Variants in NPTXR observed in about 807,000 individuals in gnomAD.
The protein encoded by NPTXR is neuronal pentraxin receptor.
In NPTXR, 12 loss-of-function variants were observed where a neutral mutation model predicts 32.2. The ratio of observed to expected loss-of-function variants is 0.37; its 90% CI spans 0.24 to 0.60. NPTXR has a LOEUF of 0.60. NPTXR is among the 20% of genes least tolerant of loss of function. The probability of loss-of-function intolerance (pLI) is 0.66; values close to 1 mark genes in which losing one functional copy is unlikely to be tolerated. For missense variants in NPTXR, 612 were observed against 682.9 expected, an observed-to-expected ratio of 0.90 and a Z score of 1.16; for synonymous variants, 323 against 315.8, an observed-to-expected ratio of 1.02 and a Z score of -0.24.
chr22:38,837,847 T>TTTATG (rs2093126339), intron 1 of NPTXR, among the ~76,000 whole-genome samples: 1 of 149,606 alleles, frequency 6.7e-6, no homozygotes, highest in South Asian at 2.1e-4. Flanking sequence ...ATTTTTATTT[T>TTTATG]TTATTTTATT....
chr22:38,823,887 A>G (rs2093102221), intron 3 of NPTXR, among the ~76,000 whole-genome samples: 1 of 152,162 alleles, frequency 6.6e-6, no homozygotes, highest in Admixed American at 6.5e-5. Flanking sequence ...GCCACTGCTG[A>G]TGGGTTAGAG....
intron 1 of NPTXR, among the ~76,000 whole-genome samples, chr22:38,837,048 T>A (rs1038305037): frequency 2.0e-5 from 3 of 152,198 alleles, no homozygotes; most frequent in African/African-American, 7.2e-5. Context: ...TCTCCTGACC[T>A]CGTGATACGC....
Position 38,823,229 on chromosome 22 carries a change from C to A in NPTXR, c.1132G>T (p.Gly378Cys). 2 of 1,613,354 alleles carry A rather than the reference C, an allele frequency of 1.2e-6. No individual in the cohort carries two copies. The highest frequency in any genetic ancestry group is 1.7e-6 in the Non-Finnish European group (2 of 1,180,032). ...CAGGCGATGCAGATGTGGTGCCAGC[C>A]ATTGTCCTTCAGGCTCAGGGGCAGC... is the stretch of plus-strand genomic sequence containing the variant. The change falls in exon 4 of 5, where the codon GGC becomes TGC. Residue 378 changes from glycine to cysteine, a missense_variant. By Grantham distance (159) the Gly-to-Cys change is radical. Coordinates refer to ENST00000333039, the MANE Select transcript of NPTXR (RefSeq NM_014293.4).
intron 1 of NPTXR, among the ~76,000 whole-genome samples, chr22:38,835,180 C>T (rs2093122115): frequency 1.3e-5 from 2 of 152,198 alleles, no homozygotes; most frequent in South Asian, 4.1e-4. Context: ...AAATATGGCC[C>T]CATGGTTCCG....
In NPTXR at chr22:38,843,278, TC is replaced by T; in HGVS notation, c.580del (p.Glu194ArgfsTer22). The T allele has an allele frequency of 7.0e-7, 1 of 1,434,902 alleles. No individual in the cohort carries two copies. The highest frequency in any genetic ancestry group is 9.1e-7 in the Non-Finnish European group (1 of 1,100,882). The allele number at this position is 1,434,902 out of a possible 1,614,324, so 88.9% of individuals were successfully genotyped here. A position where few individuals can be genotyped will look rare whatever the true frequency, so the allele number is the denominator to read the frequency against. On this transcript the variant is annotated frameshift_variant, in exon 1 of 5. Coordinates refer to ENST00000333039, the MANE Select transcript of NPTXR (RefSeq NM_014293.4). LOFTEE classifies it high-confidence loss of function. This position sits in a 1 kb window ranked among gnomAD's most constrained non-coding sequence, Gnocchi z 5.3. ...GTCCCGCAGGGCGCGCACGGCGTCC[TC>T]CAGCTCCAGAATGAGCGCAGGCGAG...
chr22:38,829,976 G>A (rs947793979), intron 1 of NPTXR, among the ~76,000 whole-genome samples: 4 of 152,162 alleles, frequency 2.6e-5, no homozygotes, highest in Admixed American at 2.6e-4. Context: ...TGAGGGCCGC[G>A]TGTTCCTTCT....
chr22:38,825,065 G>C (rs2093104308), intron 3 of NPTXR, among the ~76,000 whole-genome samples: 1 of 152,236 alleles, frequency 6.6e-6, no homozygotes, highest in African/African-American at 2.4e-5. Flanking sequence ...AATGTGGCAG[G>C]TTGGGGAGGA....
At chr22:38,823,013 T>C in intron 4 of NPTXR, 70 bp downstream of exon 4, 1 of 1,571,476 alleles carries the variant, frequency 6.4e-7, no homozygotes, top group South Asian at 1.1e-5. Context: ...AGGTCTCTGA[T>C]CTCTCTGGCC....
At position 38,843,307 on chromosome 22, in the gene NPTXR, C is replaced by A; in HGVS notation, c.552G>T (p.Trp184Cys). The change falls in exon 1 of 5, where the codon TGG becomes TGT. Residue 184 changes from tryptophan to cysteine, a missense_variant. Trp to Cys is a radical substitution (Grantham distance 215). Transcript: ENST00000333039. The surrounding 1 kb of genome is among the most constrained non-coding windows in gnomAD (Gnocchi z 5.3). ...GCTCCAGAATGAGCGCAGGCGAGTCCCAGGGCCCGTCGGCCATGGTGTCGC... is the reference window on the plus strand; with the variant it reads ...GCTCCAGAATGAGCGCAGGCGAGTCACAGGGCCCGTCGGCCATGGTGTCGC... 7.0e-7 allele frequency: 1 copy of A among 1,431,214 alleles called. No homozygotes were observed. The highest frequency in any genetic ancestry group is 1.4e-5 in the South Asian group (1 of 71,634). 88.7% of individuals were successfully genotyped at this position (1,431,214 alleles called of 1,614,324 possible). A position where few individuals can be genotyped will look rare whatever the true frequency, so the allele number is the denominator to read the frequency against.
intron 3 of NPTXR, among the ~76,000 whole-genome samples, chr22:38,824,913 C>T (rs910743398): frequency 2.0e-4 from 31 of 152,198 alleles, no homozygotes; most frequent in African/African-American, 7.2e-4. Context: ...TGAAATGCAC[C>T]TTCTGCTAAG....
At chr22:38,838,026 T>C (rs2093126645) in intron 1 of NPTXR, among the ~76,000 whole-genome samples, 1 of 152,008 alleles carries the variant, frequency 6.6e-6, no homozygotes. Flanking sequence ...TGGCTAATTT[T>C]TGTATTTTTA....
chr22:38,840,823 G>C (rs1380795171), intron 1 of NPTXR, among the ~76,000 whole-genome samples: 1 of 152,086 alleles, frequency 6.6e-6, no homozygotes, highest in South Asian at 2.1e-4. Flanking sequence ...CCTTAAAGGA[G>C]GAGGACCCTG....
chr22:38,828,543 C>G (rs1190473558), intron 1 of NPTXR, 31 bp from the exon 2 acceptor site: 2 of 1,523,596 alleles, frequency 1.3e-6, no homozygotes, highest in African/African-American at 2.7e-5. Flanking sequence ...CAGAAATCAA[C>G]TGAGGGGAGG....
chr22:38,830,106 G>A (rs2093113828), intron 1 of NPTXR, among the ~76,000 whole-genome samples: 1 of 152,228 alleles, frequency 6.6e-6, no homozygotes, highest in South Asian at 2.1e-4. Context: ...CTCAGTGCCC[G>A]AGACTTGGGA....
chr22:38,835,930 C>T (rs1358025662), intron 1 of NPTXR, among the ~76,000 whole-genome samples: 1 of 152,116 alleles, frequency 6.6e-6, no homozygotes, highest in Non-Finnish European at 1.5e-5. Flanking sequence ...GGGGAGACGC[C>T]CCCCCGCCGC....
In NPTXR at chr22:38,822,809, C is replaced by A. The variant is rs757005174; in HGVS notation, c.1303G>T (p.Ala435Ser). ...ATGTCACCGACAAAGGCCTGGGTGGCATCAAACCGGCCACCCAGGGTATCC... is the reference window on the plus strand; with the variant it reads ...ATGTCACCGACAAAGGCCTGGGTGGAATCAAACCGGCCACCCAGGGTATCC... The change falls in exon 5 of 5, where the codon GCC (alanine) becomes TCC (serine). Residue 435 changes from alanine (A) to serine (S), a missense_variant. Ala to Ser is a moderately conservative substitution (Grantham distance 99). Transcript: ENST00000333039. The A allele has an allele frequency of 5.9e-5, 96 of 1,613,916 alleles. 1 individual carries two copies. Among genetic ancestry groups the A allele is most frequent in the Admixed American group, 1.0e-4 (6 of 59,992 alleles).
Position 38,826,636 on chromosome 22 carries a change from G to A in NPTXR, c.962C>T (p.Ala321Val), listed in dbSNP as rs760645476. The change falls in exon 3 of 5, where the codon GCC (alanine) becomes GTC (valine). Residue 321 changes from alanine (A) to valine (V), a missense_variant. Physicochemically the swap from Ala to Val is moderately conservative, Grantham distance 64 (BLOSUM62 0). Coordinates refer to ENST00000333039, the MANE Select transcript of NPTXR (RefSeq NM_014293.4). ...GGACCTGGACCGCAGCCACATGCAG[G>A]CGGTGAATGCGTAGAGCTCGGGCAG... 3 of 1,614,288 alleles carry A rather than the reference G, an allele frequency of 1.9e-6. No homozygotes were observed. Among genetic ancestry groups the A allele is most frequent in the Non-Finnish European group, 2.5e-6 (3 of 1,180,048 alleles).
At chr22:38,823,729 G>A (rs113030828) in intron 3 of NPTXR, among the ~76,000 whole-genome samples, 71 of 152,288 alleles carry the variant, frequency 4.7e-4, no homozygotes, top group African/African-American at 1.5e-3. Context: ...TCCTCCCTGG[G>A]CCTCAGTTTC....
intron 3 of NPTXR, among the ~76,000 whole-genome samples, chr22:38,826,090 G>A (rs574977608): frequency 4.6e-5 from 7 of 152,122 alleles, no homozygotes; most frequent in East Asian, 3.9e-4. Context: ...TGATCCGCCC[G>A]CCTCGGCCTC....
Sources: gnomAD v4.1 joint callset for allele counts (sites outside exome capture counted in the v4.1 genomes callset) on GRCh38, gnomAD v4.1.1 for gene constraint, Gnocchi (gnomAD v3.1) non-coding constraint, MANE v1.5 for transcripts, NCBI Gene and HGNC (gene_info 2026-07-23, HGNC 2026-07-21) for gene names.